GTF2H4: variants seen among roughly 807,000 people sequenced by gnomAD.
The protein encoded by GTF2H4 is general transcription factor IIH subunit 4.
In GTF2H4, 49 loss-of-function variants were observed where a neutral mutation model predicts 62.2. That is an observed-to-expected ratio of 0.79 (90% CI 0.63 to 1.00). The LOEUF is 1.00. GTF2H4 is among the 50% of genes least tolerant of loss of function. The pLI, the probability that GTF2H4 is intolerant of heterozygous loss-of-function variation, is 0.00. For missense variants in GTF2H4, 479 were observed against 587.8 expected (o/e 0.81, Z 1.91); for synonymous variants, 189 against 233.8 (o/e 0.81, Z 1.75).
Position 30,909,670 on chromosome 6 carries a change from T to C in GTF2H4, c.242+131T>C. ...ATAAATACATTTGGGAAACTCTGCATATTGCCTTTTCCCTTTTATTTATTT... is the reference window on the plus strand; with the variant it reads ...ATAAATACATTTGGGAAACTCTGCACATTGCCTTTTCCCTTTTATTTATTT... On this transcript the variant is annotated intron_variant, in intron 3 of 13. Coordinates refer to ENST00000259895, the MANE Select transcript of GTF2H4 (RefSeq NM_001517.5). The surrounding 1 kb of genome is among the most constrained non-coding windows in gnomAD (Gnocchi z 4.3). 1 of 646,384 alleles carries C rather than the reference T, an allele frequency of 1.5e-6. No homozygotes were observed. Among genetic ancestry groups the C allele is most frequent in the Non-Finnish European group, 2.7e-6 (1 of 372,208 alleles). 40.0% of individuals were successfully genotyped at this position (646,384 alleles called of 1,614,324 possible).
rs1793740358 is a variant in GTF2H4 at position 30,910,994 on chromosome 6, C to T, written c.560+53C>T. On this transcript the variant is annotated intron_variant, in intron 6 of 13. Coordinates refer to ENST00000259895, the MANE Select transcript of GTF2H4 (RefSeq NM_001517.5). The surrounding 1 kb of genome is among the most constrained non-coding windows in gnomAD (Gnocchi z 4.7). ...TCTGCTGTGCCATCTCCTTGGGTCC[C>T]TAAGAAATGGTATCTGGGGCTAGTC... The T allele has an allele frequency of 6.9e-7, 1 of 1,454,440 alleles. No individual in the cohort carries two copies. Among genetic ancestry groups the T allele is most frequent in the African/African-American group, 1.4e-5 (1 of 71,830 alleles). 90.1% of individuals were successfully genotyped at this position (1,454,440 alleles called of 1,614,324 possible).
chr6:30,909,270 G>T lies in GTF2H4; in HGVS notation c.137+97G>T. On this transcript the variant is annotated intron_variant, in intron 2 of 13. Transcript: ENST00000259895. This position sits in a 1 kb window ranked among gnomAD's most constrained non-coding sequence, Gnocchi z 4.3. Reference sequence around the variant, plus strand: ...TGTAGCAGCCTGGAGTCGGGGTGGGGACTGGGGGCAAGGGTTGGAAATTGC... The same window carrying T: ...TGTAGCAGCCTGGAGTCGGGGTGGGTACTGGGGGCAAGGGTTGGAAATTGC... The T allele has an allele frequency of 6.9e-7, 1 of 1,442,064 alleles. No homozygotes were observed. The highest frequency in any genetic ancestry group is 2.4e-5 in the East Asian group (1 of 40,858). The allele number at this position is 1,442,064 out of a possible 1,614,324, so 89.3% of individuals were successfully genotyped here.
rs978365099 is a variant in GTF2H4, at chr6:30,910,188, A to G, written c.374+125A>G. On this transcript the variant is annotated intron_variant, in intron 4 of 13. Transcript: ENST00000259895. This position sits in a 1 kb window ranked among gnomAD's most constrained non-coding sequence, Gnocchi z 4.7. ...AGAACCTTGTGGTCTCCACGTTGGG[A>G]ACTCCTTTAGGAGTAAGTTGGACCA... is the stretch of plus-strand genomic sequence containing the variant. The G allele has an allele frequency of 3.9e-6, 4 of 1,030,552 alleles. No individual in the cohort carries two copies. The highest frequency in any genetic ancestry group is 5.8e-6 in the Non-Finnish European group (4 of 694,072). The allele number at this position is 1,030,552 out of a possible 1,614,324, so 63.8% of individuals were successfully genotyped here. A position where few individuals can be genotyped will look rare whatever the true frequency, so the allele number is the denominator to read the frequency against.
chr6:30,913,185 G>A lies in GTF2H4; in HGVS notation c.1137+28G>A, dbSNP rs2150541709. 10 of 1,613,966 alleles carry A rather than the reference G, an allele frequency of 6.2e-6. No homozygotes were observed. In the Middle Eastern group the frequency reaches 1.2e-3, roughly 187 times the overall value. On this transcript the variant is annotated intron_variant, in intron 12 of 13. Transcript: ENST00000259895. This position sits in a 1 kb window ranked among gnomAD's most constrained non-coding sequence, Gnocchi z 4.2. ...ATAGACAGGCTCCAAGATGTCAGAG[G>A]CTGGCAGCTGGTGATGACATGATGG... is the stretch of plus-strand genomic sequence containing the variant.
chr6:30,912,478 G>T lies in GTF2H4; in HGVS notation c.1089+20G>T. 1 of 1,611,374 alleles carries T rather than the reference G, an allele frequency of 6.2e-7. No individual in the cohort carries two copies. Among genetic ancestry groups the T allele is most frequent in the East Asian group, 2.2e-5 (1 of 44,878 alleles). The stretch of plus-strand genomic sequence containing the variant: ...CAGCAGGTATTCCCACTTGGGAGAG[G>T]TGGAGCAGGAAGACAGGCTGCACTT... On this transcript the variant is annotated intron_variant, in intron 11 of 13. Coordinates refer to ENST00000259895, the MANE Select transcript of GTF2H4 (RefSeq NM_001517.5). This position sits in a 1 kb window ranked among gnomAD's most constrained non-coding sequence, Gnocchi z 4.8.
At position 30,913,260 on chromosome 6, in the gene GTF2H4, G is replaced by A; in HGVS notation, c.1138-49G>A. On this transcript the variant is annotated intron_variant, in intron 12 of 13. Coordinates refer to ENST00000259895, the MANE Select transcript of GTF2H4 (RefSeq NM_001517.5). The surrounding 1 kb of genome is among the most constrained non-coding windows in gnomAD (Gnocchi z 4.2). ...TGGGGAAGAAACAGAGGGCCGGGTT[G>A]TCTGGGGCAGTATTCTGAGTCCCTA... The A allele has an allele frequency of 6.2e-7, 1 of 1,612,604 alleles. No individual in the cohort carries two copies. Among genetic ancestry groups the A allele is most frequent in the Non-Finnish European group, 8.5e-7 (1 of 1,178,822 alleles).
In GTF2H4 at chr6:30,914,053, T is replaced by A. The variant is rs1793950869; in HGVS notation, c.*70T>A. The A allele has an allele frequency of 7.2e-7, 1 of 1,398,396 alleles. No homozygotes were observed. The highest frequency in any genetic ancestry group is 2.5e-5 in the Admixed American group (1 of 40,272). 86.6% of individuals were successfully genotyped at this position (1,398,396 alleles called of 1,614,324 possible). ...GGGCGGGGCATCAGAACTCAGGTGT[T>A]TTTTATTTACGCGTCAGGGCTTTTC... On this transcript the variant is annotated 3_prime_UTR_variant, in exon 14 of 14. Coordinates refer to ENST00000259895, the MANE Select transcript of GTF2H4 (RefSeq NM_001517.5).
In GTF2H4 at chr6:30,911,457, T is replaced by C. The variant is rs1260822356; in HGVS notation, c.699T>C (p.Ile233=). The change falls in exon 8 of 14, where the codon ATT becomes ATC. Residue 233 remains isoleucine, a synonymous_variant. Coordinates refer to ENST00000259895, the MANE Select transcript of GTF2H4 (RefSeq NM_001517.5). The surrounding 1 kb of genome is among the most constrained non-coding windows in gnomAD (Gnocchi z 4.3). ...GCCGGGGCATGGACCTGGTAGAGAT[T>C]CTCTCCTTCCTCTTCCAGCTCAGCT... ...AQSRGMDLVE[I]LSFLFQLSFS... The C allele has an allele frequency of 6.2e-7, 1 of 1,613,962 alleles. No homozygotes were observed. The highest frequency in any genetic ancestry group is 2.2e-5 in the East Asian group (1 of 44,900).
At position 30,913,397 on chromosome 6, in the gene GTF2H4, T is replaced by C. The variant is rs1019140934; in HGVS notation, c.1216+10T>C. 1 of 1,611,840 alleles carries C rather than the reference T, an allele frequency of 6.2e-7. No individual in the cohort carries two copies. The highest frequency in any genetic ancestry group is 1.3e-5 in the African/African-American group (1 of 74,852). Reference sequence around the variant, plus strand: ...CTCCGGTTCACTGAGGGTGAGTAGCTTCTGGTGGCCAAGTCTTGGTCATTG... The same window carrying C: ...CTCCGGTTCACTGAGGGTGAGTAGCCTCTGGTGGCCAAGTCTTGGTCATTG... On this transcript the variant is annotated intron_variant, in intron 13 of 13. Coordinates refer to ENST00000259895, the MANE Select transcript of GTF2H4 (RefSeq NM_001517.5). The surrounding 1 kb of genome is among the most constrained non-coding windows in gnomAD (Gnocchi z 4.2).
At position 30,910,597 on chromosome 6, in the gene GTF2H4, C is replaced by G. The variant is rs773111203; in HGVS notation, c.375-68C>G. 1.1e-5 allele frequency: 12 copies of G among 1,134,058 alleles called. No homozygotes were observed. Among genetic ancestry groups the G allele is most frequent in the Non-Finnish European group, 4.0e-6 (3 of 748,022 alleles). 70.2% of individuals were successfully genotyped at this position (1,134,058 alleles called of 1,614,324 possible). ...CCGCCCATCTCGGCCTCCCAAAGTA[C>G]AGGGATTACAGGTGTGAGCCACTGC... On this transcript the variant is annotated intron_variant, in intron 4 of 13. Coordinates refer to ENST00000259895, the MANE Select transcript of GTF2H4 (RefSeq NM_001517.5). The surrounding 1 kb of genome is among the most constrained non-coding windows in gnomAD (Gnocchi z 4.7).
Position 30,909,857 on chromosome 6 carries a change from G to A in GTF2H4, c.243-75G>A. ...TCCAAGGGTCAGCAAGTTCAGAACA[G>A]GCAGAGATGGTGGCTTTTATGGGCC... On this transcript the variant is annotated intron_variant, in intron 3 of 13. Coordinates refer to ENST00000259895, the MANE Select transcript of GTF2H4 (RefSeq NM_001517.5). This position sits in a 1 kb window ranked among gnomAD's most constrained non-coding sequence, Gnocchi z 4.3. 1 of 1,442,918 alleles carries A rather than the reference G, an allele frequency of 6.9e-7. No individual in the cohort carries two copies. Among genetic ancestry groups the A allele is most frequent in the South Asian group, 1.3e-5 (1 of 77,254 alleles). The allele number at this position is 1,442,918 out of a possible 1,614,324, so 89.4% of individuals were successfully genotyped here. A position where few individuals can be genotyped will look rare whatever the true frequency, so the allele number is the denominator to read the frequency against.
In GTF2H4 at chr6:30,910,074, T is replaced by C. The variant is rs760668839; in HGVS notation, c.374+11T>C. On this transcript the variant is annotated intron_variant, in intron 4 of 13. Coordinates refer to ENST00000259895, the MANE Select transcript of GTF2H4 (RefSeq NM_001517.5). This position sits in a 1 kb window ranked among gnomAD's most constrained non-coding sequence, Gnocchi z 4.7. ...TGCCCTTCTGGGTGGGTATGTCACTTCTCTCTCTTCCTAAGCTAGGGCAGG... is the reference window on the plus strand; with the variant it reads ...TGCCCTTCTGGGTGGGTATGTCACTCCTCTCTCTTCCTAAGCTAGGGCAGG... 6.2e-7 allele frequency: 1 copy of C among 1,611,448 alleles called. No individual in the cohort carries two copies. Among genetic ancestry groups the C allele is most frequent in the Non-Finnish European group, 8.5e-7 (1 of 1,179,494 alleles).
Position 30,910,078 on chromosome 6 carries a change from T to C in GTF2H4, c.374+15T>C. 1 of 1,610,986 alleles carries C rather than the reference T, an allele frequency of 6.2e-7. No homozygotes were observed. ...CTTCTGGGTGGGTATGTCACTTCTCTCTCTTCCTAAGCTAGGGCAGGGGAA... is the reference window on the plus strand; with the variant it reads ...CTTCTGGGTGGGTATGTCACTTCTCCCTCTTCCTAAGCTAGGGCAGGGGAA... On this transcript the variant is annotated intron_variant, in intron 4 of 13. Transcript: ENST00000259895. The surrounding 1 kb of genome is among the most constrained non-coding windows in gnomAD (Gnocchi z 4.7).
Position 30,914,019 on chromosome 6 carries a change from G to C in GTF2H4, c.*36G>C. 1.5e-6 allele frequency: 2 copies of C among 1,329,138 alleles called. No individual in the cohort carries two copies. Among genetic ancestry groups the C allele is most frequent in the Middle Eastern group, 2.7e-4 (1 of 3,738 alleles). 82.3% of individuals were successfully genotyped at this position (1,329,138 alleles called of 1,614,324 possible). ...CTTGGACACGGACCTCGGCGGGCGG[G>C]ACTGGGCGGGGCGGGGCATCAGAAC... On this transcript the variant is annotated 3_prime_UTR_variant, in exon 14 of 14. Coordinates refer to ENST00000259895, the MANE Select transcript of GTF2H4 (RefSeq NM_001517.5).
Position 30,911,154 on chromosome 6 carries a change from C to G in GTF2H4, c.561-4C>G, listed in dbSNP as rs1339234102. The G allele has an allele frequency of 1.2e-6, 2 of 1,607,290 alleles. No individual in the cohort carries two copies. The highest frequency in any genetic ancestry group is 1.7e-6 in the Non-Finnish European group (2 of 1,174,364). On this transcript the variant is annotated splice_region_variant and splice_polypyrimidine_tract_variant and intron_variant, in intron 6 of 13. Coordinates refer to ENST00000259895, the MANE Select transcript of GTF2H4 (RefSeq NM_001517.5). The surrounding 1 kb of genome is among the most constrained non-coding windows in gnomAD (Gnocchi z 4.3). ...ACCATCATTGTCCTGGTCTTTGTCTCTAGTACTGAACCTGGAGAGCCGCCC... is the reference window on the plus strand; with the variant it reads ...ACCATCATTGTCCTGGTCTTTGTCTGTAGTACTGAACCTGGAGAGCCGCCC...
Position 30,912,288 on chromosome 6 carries a change from TG to T in GTF2H4, c.959-35del. 1 of 1,610,752 alleles carries T rather than the reference TG, an allele frequency of 6.2e-7. No homozygotes were observed. Among genetic ancestry groups the T allele is most frequent in the Admixed American group, 1.7e-5 (1 of 59,974 alleles). ...AGAAGGGCTTGAGGGAGTCTGGGTG[TG>T]GGGGTGGCCTCCTCATCCTCTTTCT... On this transcript the variant is annotated intron_variant, in intron 10 of 13. Transcript: ENST00000259895. This position sits in a 1 kb window ranked among gnomAD's most constrained non-coding sequence, Gnocchi z 4.8.
chr6:30,912,155 G>A lies in GTF2H4; in HGVS notation c.958+9G>A. On this transcript the variant is annotated intron_variant, in intron 10 of 13. Transcript: ENST00000259895. This position sits in a 1 kb window ranked among gnomAD's most constrained non-coding sequence, Gnocchi z 4.8. ...ACTGTATGCCTACACGGGTGAGGCG[G>A]GACAGAGGGCCCCTGGAAGAGGAGG... The A allele has an allele frequency of 6.2e-7, 1 of 1,612,636 alleles. No homozygotes were observed. Among genetic ancestry groups the A allele is most frequent in the Non-Finnish European group, 8.5e-7 (1 of 1,179,826 alleles).
chr6:30,911,843 G>A lies in GTF2H4; in HGVS notation c.825+76G>A. The A allele has an allele frequency of 6.9e-7, 1 of 1,446,598 alleles. No homozygotes were observed. Among genetic ancestry groups the A allele is most frequent in the Non-Finnish European group, 9.7e-7 (1 of 1,032,170 alleles). The allele number at this position is 1,446,598 out of a possible 1,614,324, so 89.6% of individuals were successfully genotyped here. ...TGCCTTTGCCTTTAAAAAGGAGTGGGGTCTTGGGGCAGTAGCAGGAAGCAG... is the reference window on the plus strand; with the variant it reads ...TGCCTTTGCCTTTAAAAAGGAGTGGAGTCTTGGGGCAGTAGCAGGAAGCAG... On this transcript the variant is annotated intron_variant, in intron 9 of 13. Transcript: ENST00000259895. This position sits in a 1 kb window ranked among gnomAD's most constrained non-coding sequence, Gnocchi z 4.3.
Position 30,912,218 on chromosome 6 carries a change from C to T in GTF2H4, c.958+72C>T, listed in dbSNP as rs1021235593. 47 of 1,601,456 alleles carry T rather than the reference C, an allele frequency of 2.9e-5. 1 individual carries two copies. Among genetic ancestry groups the T allele is most frequent in the Admixed American group, 1.0e-4 (6 of 59,642 alleles). ...GAATGCCAGTTTATGTTCGTGTTTA[C>T]CTGGCAGTCTACAGAGCTCTCTGAC... On this transcript the variant is annotated intron_variant, in intron 10 of 13. Coordinates refer to ENST00000259895, the MANE Select transcript of GTF2H4 (RefSeq NM_001517.5). This position sits in a 1 kb window ranked among gnomAD's most constrained non-coding sequence, Gnocchi z 4.8.
Sources: allele counts gnomAD v4.1 joint callset, GRCh38; gene constraint gnomAD v4.1.1; non-coding constraint Gnocchi (gnomAD v3.1); transcripts MANE v1.5; gene names NCBI Gene and HGNC (gene_info 2026-07-23, HGNC 2026-07-21).